Variants in MTMR8 observed in about 807,000 individuals in gnomAD.
MTMR8 encodes phosphatidylinositol-3,5-bisphosphate 3-phosphatase MTMR8.
MTMR8 carries 65 observed loss-of-function variants against 39.3 expected under a neutral mutation model. That is an observed-to-expected ratio of 1.65 (90% CI 1.35 to 2.03). The LOEUF is 2.03. Ranked by LOEUF, MTMR8 falls within the 30% of genes most tolerant of loss-of-function variation. The pLI is 0.00. For synonymous variants in MTMR8, 245 were observed against 185.2 expected (o/e 1.32, Z -2.62); for missense variants, 777 against 538.9 (o/e 1.44, Z -4.37).
chrX:64,358,698 T>A (rs1318165420), intron 2 of MTMR8, among the ~76,000 whole-genome samples: 2 of 111,413 alleles, frequency 1.8e-5, no homozygotes, highest in African/African-American at 6.5e-5. Flanking sequence ...TGGAGAGGTC[T>A]AAGCATAAAT....
At chrX:64,323,999 A>G (rs189198835) in intron 12 of MTMR8, among the ~76,000 whole-genome samples, 2,168 of 112,910 alleles carry the variant, frequency 0.019, 37 homozygotes, top group Middle Eastern at 0.046. Flanking sequence ...AATGCACCAA[A>G]GGAATTAAAC....
chrX:64,394,844 C>T (rs185617286), intron 1 of MTMR8, among the ~76,000 whole-genome samples: 1 of 112,209 alleles, frequency 8.9e-6, no homozygotes, highest in East Asian at 2.8e-4. Context: ...ACAGGCATGC[C>T]GTGGAGCTGG....
chrX:64,362,702 T>C (rs1923826142), intron 1 of MTMR8, among the ~76,000 whole-genome samples: 1 of 109,983 alleles, frequency 9.1e-6, no homozygotes. Context: ...AACTAGACTC[T>C]AGATATATCT....
In MTMR8 at chrX:64,386,328, C is replaced by A. The variant is rs755970277; in HGVS notation, c.24+9012G>T. Among the ~76,000 whole-genome samples the A allele has an allele frequency of 2.7e-5, 3 of 111,684 alleles. No homozygotes were observed. The Admixed American group carries it at 2.9e-4, about 11-fold the overall frequency. On this transcript the variant is annotated intron_variant, in intron 1 of 13. Transcript: ENST00000374852. Reference sequence around the variant, plus strand: ...GGTGGCTAAAGGGTGGCTGGAGAAGCAGATGCAAGTGAAGTCAGCTACAAG... The same window carrying A: ...GGTGGCTAAAGGGTGGCTGGAGAAGAAGATGCAAGTGAAGTCAGCTACAAG...
chrX:64,389,084 T>C (rs1178702239), intron 1 of MTMR8, among the ~76,000 whole-genome samples: 3 of 112,018 alleles, frequency 2.7e-5, no homozygotes, highest in African/African-American at 6.5e-5. Flanking sequence ...TTTCTTTATA[T>C]TTAAAATGAA....
rs1931670961 is a variant in MTMR8, at chrX:64,268,291, A to G, written c.*246T>C. On this transcript the variant is annotated 3_prime_UTR_variant, in exon 14 of 14. Transcript: ENST00000374852. The stretch of plus-strand genomic sequence containing the variant: ...ATATGTGTCTCAGCTGAGAGGCAAC[A>G]TTTCTATAGTTAAATCCCATTTTAG... The G allele has an allele frequency of 2.8e-6, 1 of 358,909 alleles. No individual in the cohort carries two copies. The highest frequency in any genetic ancestry group is 4.7e-6 in the Non-Finnish European group (1 of 211,332). The allele number at this position is 358,909 out of a possible 1,213,427, so 29.6% of individuals were successfully genotyped here.
intron 9 of MTMR8, 117 bp from the exon 10 acceptor site, chrX:64,336,245 A>C: frequency 2.2e-6 from 1 of 461,850 alleles, no homozygotes; most frequent in South Asian, 4.6e-5. Context: ...TAAAATAGTT[A>C]ATTTCCTAAA....
At chrX:64,304,686 A>G (rs1377278777) in intron 12 of MTMR8, among the ~76,000 whole-genome samples, 1 of 106,420 alleles carries the variant, frequency 9.4e-6, no homozygotes, top group African/African-American at 3.4e-5. Context: ...AACAGCCTAA[A>G]TAAGCATTCA....
chrX:64,348,640 A>G lies in MTMR8; in HGVS notation c.732+20T>C. On this transcript the variant is annotated intron_variant, in intron 6 of 13. Transcript: ENST00000374852. The stretch of plus-strand genomic sequence containing the variant: ...ATGCAAGAGGCAGAAATATCAAAGA[A>G]ATCACTGAGAAATAGATACCTTTGG... 8.3e-7 allele frequency: 1 copy of G among 1,207,360 alleles called. No individual in the cohort carries two copies. The highest frequency in any genetic ancestry group is 1.1e-6 in the Non-Finnish European group (1 of 892,486).
chrX:64,341,749 A>G (rs187593935), intron 8 of MTMR8, among the ~76,000 whole-genome samples: 4 of 111,892 alleles, frequency 3.6e-5, no homozygotes, highest in African/African-American at 6.5e-5. Context: ...GAATATTTCC[A>G]TCATCACAAA....
At chrX:64,324,722 T>C (rs1922740567) in intron 12 of MTMR8, among the ~76,000 whole-genome samples, 1 of 97,242 alleles carries the variant, frequency 1.0e-5, no homozygotes, top group Non-Finnish European at 2.0e-5. Flanking sequence ...CCAAATCTTA[T>C]AAAATGGCCC....
chrX:64,292,765 GA>G (rs1921444090), intron 12 of MTMR8, among the ~76,000 whole-genome samples: 1 of 111,244 alleles, frequency 9.0e-6, no homozygotes, highest in Non-Finnish European at 1.9e-5. Flanking sequence ...TATATATACA[GA>G]ATGTATCTGG....
chrX:64,359,858 T>G, intron 1 of MTMR8, among the ~76,000 whole-genome samples: 1 of 105,854 alleles, frequency 9.4e-6, no homozygotes, highest in Non-Finnish European at 1.9e-5. Flanking sequence ...AGTTATTGTA[T>G]GTGTAAAAAA....
chrX:64,357,558 G>A (rs1356525001), intron 2 of MTMR8, among the ~76,000 whole-genome samples: 1 of 111,003 alleles, frequency 9.0e-6, no homozygotes, highest in East Asian at 2.8e-4. Flanking sequence ...TCCTGAGTAA[G>A]CTAGGAATAC....
At chrX:64,355,239 T>A (rs762946523) in intron 3 of MTMR8, among the ~76,000 whole-genome samples, 5 of 112,347 alleles carry the variant, frequency 4.5e-5, no homozygotes, top group Admixed American at 1.9e-4. Context: ...GGGTTTCACA[T>A]GTTAAGAAAA....
chrX:64,382,032 T>G (rs780666188), intron 1 of MTMR8, among the ~76,000 whole-genome samples: 3 of 111,550 alleles, frequency 2.7e-5, no homozygotes, highest in Non-Finnish European at 5.6e-5. Flanking sequence ...TGAAGTCAGG[T>G]AGTGTGATGC....
At chrX:64,308,842 C>T (rs1305152451) in intron 12 of MTMR8, among the ~76,000 whole-genome samples, 1 of 111,066 alleles carries the variant, frequency 9.0e-6, no homozygotes, top group Non-Finnish European at 1.9e-5. Flanking sequence ...GTTCTGGCAC[C>T]ATTGGTTAAA....
At chrX:64,286,663 C>T in intron 12 of MTMR8, among the ~76,000 whole-genome samples, 1 of 111,899 alleles carries the variant, frequency 8.9e-6, no homozygotes, top group Middle Eastern at 4.6e-3. Context: ...TCAATGTACA[C>T]AAATCAATAA....
chrX:64,283,439 A>T lies in MTMR8; in HGVS notation c.1482-12366T>A, dbSNP rs183347829. On this transcript the variant is annotated intron_variant, in intron 12 of 13. Transcript: ENST00000374852. ...CAAAAGGCAGCAGAAACCTCTGCAGATTTAAATGTCTCTGTCTGACAGCTT... is the reference window on the plus strand; with the variant it reads ...CAAAAGGCAGCAGAAACCTCTGCAGTTTTAAATGTCTCTGTCTGACAGCTT... 4.0e-4 allele frequency among the ~76,000 whole-genome samples: 45 copies of T among 112,212 alleles called. No individual in the cohort carries two copies. The East Asian group carries it at 0.012, about 30-fold the overall frequency.
Sources: gnomAD v4.1 joint callset for allele counts (sites outside exome capture counted in the v4.1 genomes callset) on GRCh38, gnomAD v4.1.1 for gene constraint, MANE v1.5 for transcripts, NCBI Gene and HGNC (gene_info 2026-07-23, HGNC 2026-07-21) for gene names.